NALCN: variants seen among roughly 807,000 people sequenced by gnomAD.
The protein encoded by NALCN is sodium leak channel, non-selective, also known as sodium leak channel NALCN.
In NALCN, 111 loss-of-function variants were observed where a neutral mutation model predicts 225.3. The ratio of observed to expected loss-of-function variants is 0.49; its 90% CI spans 0.42 to 0.58. NALCN has a LOEUF of 0.58. Among genes scored for constraint, NALCN ranks in the 20% least tolerant of loss-of-function variants. The pLI, the probability that NALCN is intolerant of heterozygous loss-of-function variation, is 0.00. For missense variants in NALCN, 1,378 were observed against 2,202.4 expected (o/e 0.63, Z 7.49); for synonymous variants, 764 against 769.0 (o/e 0.99, Z 0.11).
intron 17 of NALCN, among the ~76,000 whole-genome samples, chr13:101,142,217 C>T (rs2037120923): frequency 7.1e-6 from 1 of 141,080 alleles, no homozygotes; most frequent in African/African-American, 2.7e-5. Context: ...TCTCAGCTCA[C>T]TGCAACCTCT....
intron 13 of NALCN, among the ~76,000 whole-genome samples, chr13:101,200,547 A>G (rs2040074841): frequency 6.6e-6 from 1 of 152,114 alleles, no homozygotes; most frequent in Admixed American, 6.6e-5. Context: ...GGGGATAAGC[A>G]AAAGTTTCCA....
chr13:101,149,638 C>T (rs1413807283), intron 15 of NALCN, among the ~76,000 whole-genome samples: 1 of 152,208 alleles, frequency 6.6e-6, no homozygotes, highest in African/African-American at 2.4e-5. Context: ...TTTTTGGAGA[C>T]TCAGAAGGTT....
intron 6 of NALCN, chr13:101,373,145 C>A: frequency 3.4e-6 from 1 of 296,956 alleles, no homozygotes; most frequent in East Asian, 1.1e-4. Flanking sequence ...AAGATAACAA[C>A]TCCATAGCTC....
In NALCN at chr13:101,116,251, C is replaced by CT. The variant is rs893707120; in HGVS notation, c.2193-5026dup. ...GAAAAAATAATATGAAAGATTGATC[C>CT]TTTTTTTTCCCCCTGCATTGCCTTT... On this transcript the variant is annotated intron_variant, in intron 18 of 43. Coordinates refer to ENST00000251127, the MANE Select transcript of NALCN (RefSeq NM_052867.4). Among the ~76,000 whole-genome samples the CT allele has an allele frequency of 2.6e-5, 4 of 151,080 alleles. No individual in the cohort carries two copies. In the East Asian group the frequency reaches 5.8e-4, roughly 22 times the overall value.
rs2139396793 is a variant in NALCN, at chr13:101,059,999, T to C, written c.4756-32A>G. 1.9e-6 allele frequency: 3 copies of C among 1,610,908 alleles called. No homozygotes were observed. In the East Asian group the frequency reaches 6.7e-5, roughly 36 times the overall value. On this transcript the variant is annotated intron_variant, in intron 41 of 43. Transcript: ENST00000251127. ...AAATGCGATTGTTTGTTCAGTAAAA[T>C]AAGCCCAGCATCCTGCCTGCCCCAC...
At chr13:101,198,639 C>G (rs1028292341) in intron 13 of NALCN, among the ~76,000 whole-genome samples, 21 of 152,116 alleles carry the variant, frequency 1.4e-4, no homozygotes, top group African/African-American at 5.1e-4. Flanking sequence ...AGTCAGGAAA[C>G]AACAGGTGCT....
rs182121161 is a variant in NALCN at position 101,123,209 on chromosome 13, A to G, written c.2192+1399T>C. ...ACCCATTCACACAGAGGGCCCATTC[A>G]CACTGCAAGGCAGTGGCTCTGGACA... is the stretch of plus-strand genomic sequence containing the variant. On this transcript the variant is annotated intron_variant, in intron 18 of 43. Transcript: ENST00000251127. 2.7e-4 allele frequency among the ~76,000 whole-genome samples: 41 copies of G among 152,304 alleles called. 1 individual carries two copies. The highest frequency in any genetic ancestry group is 2.5e-3 in the Admixed American group (39 of 15,298).
chr13:101,111,064 C>A (rs1053912580), intron 19 of NALCN, 61 bp downstream of exon 19: 4 of 1,526,040 alleles, frequency 2.6e-6, no homozygotes, highest in Non-Finnish European at 3.6e-6. Flanking sequence ...GTACAGCGAC[C>A]ATTTCCTGTA....
At chr13:101,228,904 C>A (rs549445838) in intron 13 of NALCN, among the ~76,000 whole-genome samples, 7 of 152,070 alleles carry the variant, frequency 4.6e-5, no homozygotes, top group Non-Finnish European at 8.8e-5. Flanking sequence ...TTTCTAACTT[C>A]CTTTTTAGCT....
intron 14 of NALCN, among the ~76,000 whole-genome samples, chr13:101,186,309 C>T (rs1415136820): frequency 6.6e-6 from 1 of 152,200 alleles, no homozygotes; most frequent in East Asian, 1.9e-4. Context: ...TTCGTTATTG[C>T]TAATTTCCAA....
intron 3 of NALCN, among the ~76,000 whole-genome samples, chr13:101,381,681 C>G (rs77899667): frequency 6.6e-6 from 1 of 151,706 alleles, no homozygotes; most frequent in Admixed American, 6.6e-5. Context: ...ACTAGGGATA[C>G]GAGGGTGAAC....
intron 6 of NALCN, among the ~76,000 whole-genome samples, chr13:101,363,472 G>T (rs1369174388): frequency 6.6e-6 from 1 of 151,964 alleles, no homozygotes; most frequent in Non-Finnish European, 1.5e-5. Flanking sequence ...AAGGTATCAA[G>T]AACATTAAGG....
At chr13:101,154,100 T>C (rs972594694) in intron 15 of NALCN, among the ~76,000 whole-genome samples, 2 of 152,226 alleles carry the variant, frequency 1.3e-5, no homozygotes, top group Non-Finnish European at 2.9e-5. Context: ...GTGCTGGATA[T>C]GATGCTGAAC....
Position 101,168,641 on chromosome 13 carries a change from C to T in NALCN, c.1839+7659G>A, listed in dbSNP as rs545593221. ...CTGCCATCACCACTTGCCTCAAGAA[C>T]GGATTCTTCCATCTCCAGTCTGGGT... On this transcript the variant is annotated intron_variant, in intron 15 of 43. Transcript: ENST00000251127. Among the ~76,000 whole-genome samples the T allele has an allele frequency of 2.2e-4, 34 of 152,272 alleles. 1 individual carries two copies. Among genetic ancestry groups the T allele is most frequent in the African/African-American group, 5.5e-4 (23 of 41,554 alleles).
chr13:101,305,949 G>C (rs1191982123), intron 7 of NALCN, among the ~76,000 whole-genome samples: 1 of 152,202 alleles, frequency 6.6e-6, no homozygotes, highest in Non-Finnish European at 1.5e-5. Flanking sequence ...AGCAGAGAGA[G>C]GTCAGGGAGA....
chr13:101,377,108 T>A (rs775500294), intron 4 of NALCN, 52 bp from the exon 5 acceptor site: 3 of 1,610,020 alleles, frequency 1.9e-6, no homozygotes, highest in Admixed American at 1.7e-5. Context: ...TAGCATTGCT[T>A]ATAGTCATGG....
chr13:101,126,941 C>G (rs983660332), intron 17 of NALCN, among the ~76,000 whole-genome samples: 1 of 152,168 alleles, frequency 6.6e-6, no homozygotes, highest in Non-Finnish European at 1.5e-5. Context: ...TAAGAACACA[C>G]ATAGTCCTGA....
At chr13:101,092,130 G>A (rs1046589182) in intron 28 of NALCN, among the ~76,000 whole-genome samples, 1 of 151,980 alleles carries the variant, frequency 6.6e-6, no homozygotes, top group African/African-American at 2.4e-5. Flanking sequence ...CATTTTTTCT[G>A]GTTAATTTGT....
At chr13:101,305,752 TTTTAAAG>T (rs1296726865) in intron 7 of NALCN, among the ~76,000 whole-genome samples, 1 of 152,238 alleles carries the variant, frequency 6.6e-6, no homozygotes, top group Non-Finnish European at 1.5e-5. Flanking sequence ...TTTGTCCAAA[TTTTAAAG>T]TTTAAAGTTG....
Sources: allele counts gnomAD v4.1 joint callset (sites outside exome capture counted in the v4.1 genomes callset), GRCh38; gene constraint gnomAD v4.1.1; transcripts MANE v1.5; gene names NCBI Gene and HGNC (gene_info 2026-07-23, HGNC 2026-07-21).